Variants in ADGRL4 observed in about 807,000 individuals in gnomAD.
ADGRL4 encodes EGF, latrophilin and seven transmembrane domain containing 1.
Under a neutral mutation model 74.8 loss-of-function variants are expected in ADGRL4, and 90 were observed. The observed-to-expected ratio is 1.20, with a 90% CI of 1.02 to 1.43. The LOEUF is 1.43. Among genes scored for constraint, ADGRL4 ranks in the 40% most tolerant of loss-of-function variants. The probability of loss-of-function intolerance (pLI) is 0.00; values close to 1 mark genes in which losing one functional copy is unlikely to be tolerated. For missense variants in ADGRL4, 881 were observed against 814.3 expected (o/e 1.08, Z -1.00); for synonymous variants, 311 against 279.2 (o/e 1.11, Z -1.14).
intron 2 of ADGRL4, among the ~76,000 whole-genome samples, chr1:78,969,229 G>T (rs545578071): frequency 2.4e-3 from 368 of 152,246 alleles, no homozygotes; most frequent in African/African-American, 8.2e-3. Context: ...ATCATCATTT[G>T]CAACAGTGCA....
At chr1:78,966,087 A>AC (rs1650050270) in intron 2 of ADGRL4, among the ~76,000 whole-genome samples, 1 of 152,246 alleles carries the variant, frequency 6.6e-6, no homozygotes, top group Admixed American at 6.5e-5. Context: ...CAAATAAGCT[A>AC]CAGAGTCATA....
chr1:78,956,719 TA>T (rs1284554612), intron 2 of ADGRL4, among the ~76,000 whole-genome samples: 1 of 152,100 alleles, frequency 6.6e-6, no homozygotes, highest in Non-Finnish European at 1.5e-5. Context: ...TAAAATTACC[TA>T]ATGTTTGAGA....
intron 2 of ADGRL4, among the ~76,000 whole-genome samples, chr1:78,996,457 G>T (rs183683933): frequency 6.6e-6 from 1 of 152,308 alleles, no homozygotes; most frequent in East Asian, 1.9e-4. Context: ...GATATCAATG[G>T]ATATTCCTTA....
intron 12 of ADGRL4, among the ~76,000 whole-genome samples, chr1:78,903,150 C>A (rs1648553499): frequency 6.6e-6 from 1 of 152,092 alleles, no homozygotes; most frequent in African/African-American, 2.4e-5. Context: ...CAGATCTGAG[C>A]CATTCTGAAG....
At chr1:78,934,135 G>T (rs778225852) in intron 7 of ADGRL4, among the ~76,000 whole-genome samples, 1 of 152,050 alleles carries the variant, frequency 6.6e-6, no homozygotes. Context: ...TAAGCAAAAA[G>T]AACAAAGTTG....
intron 2 of ADGRL4, among the ~76,000 whole-genome samples, chr1:78,948,178 T>C (rs1649649139): frequency 6.6e-6 from 1 of 152,120 alleles, no homozygotes; most frequent in Admixed American, 6.6e-5. Context: ...TTTTAATCCC[T>C]AGCATTTGAC....
intron 12 of ADGRL4, among the ~76,000 whole-genome samples, chr1:78,896,594 C>T (rs1378858789): frequency 6.6e-6 from 1 of 152,108 alleles, no homozygotes; most frequent in Admixed American, 6.6e-5. Context: ...TCCACAGACA[C>T]TATCCTGAAA....
At chr1:78,903,636 A>T (rs546182817) in intron 12 of ADGRL4, among the ~76,000 whole-genome samples, 78 of 152,246 alleles carry the variant, frequency 5.1e-4, no homozygotes, top group African/African-American at 1.8e-3. Flanking sequence ...AAGTTTAAAA[A>T]AAAAGTCAGG....
chr1:78,983,249 A>C (rs1650430781), intron 2 of ADGRL4, among the ~76,000 whole-genome samples: 1 of 151,866 alleles, frequency 6.6e-6, no homozygotes, highest in Non-Finnish European at 1.5e-5. Context: ...ACATGCCCAA[A>C]ACATCATCAG....
intron 2 of ADGRL4, among the ~76,000 whole-genome samples, chr1:79,001,164 A>AGGG (rs1650831605): frequency 1.4e-5 from 1 of 72,676 alleles, no homozygotes; most frequent in African/African-American, 5.2e-5. Context: ...AGAAGGAAGG[A>AGGG]AGGAAGGGAG....
chr1:78,909,143 A>C (rs1489806750), intron 12 of ADGRL4, among the ~76,000 whole-genome samples: 1 of 151,990 alleles, frequency 6.6e-6, no homozygotes, highest in Non-Finnish European at 1.5e-5. Flanking sequence ...TGCACCCAAC[A>C]AATATGATGA....
At chr1:78,921,582 T>G in intron 9 of ADGRL4, 31 bp downstream of exon 9, 1 of 1,327,454 alleles carries the variant, frequency 7.5e-7, no homozygotes, top group Non-Finnish European at 9.9e-7. Context: ...AAAAGCAACA[T>G]TTATAAATAT....
intron 10 of ADGRL4, 107 bp downstream of exon 10, chr1:78,920,076 C>A (rs12032838): frequency 6.4e-6 from 5 of 785,444 alleles, no homozygotes; most frequent in Non-Finnish European, 9.7e-6. Flanking sequence ...TTATAGAGAA[C>A]GTCTGCCCCA....
chr1:78,946,355 A>G lies in ADGRL4; in HGVS notation c.244T>C (p.Tyr82His). 11 of 1,613,308 alleles carry G rather than the reference A, an allele frequency of 6.8e-6. No homozygotes were observed. The highest frequency in any genetic ancestry group is 9.3e-6 in the Non-Finnish European group (11 of 1,179,548). ...AAGCCAGGTACACACATACAATAAT[A>G]ACTTCCTTCTGTGTTAGTGCAATTA... ...NANCTNTEGS[Y>H]YCMCVPGFRS... The change falls in exon 3 of 15, where the codon TAT becomes CAT. Residue 82 changes from tyrosine to histidine, a missense_variant. By Grantham distance (83) the Tyr-to-His change is moderately conservative. Coordinates refer to ENST00000370742, the MANE Select transcript of ADGRL4 (RefSeq NM_022159.4).
At chr1:78,900,588 G>A (rs1241806627) in intron 12 of ADGRL4, among the ~76,000 whole-genome samples, 2 of 152,132 alleles carry the variant, frequency 1.3e-5, no homozygotes, top group Admixed American at 6.6e-5. Context: ...GAATCATGGG[G>A]GCAGACTTTC....
chr1:78,893,340 A>G (rs1648328937), intron 12 of ADGRL4, 151 bp from the exon 13 acceptor site: 2 of 594,068 alleles, frequency 3.4e-6, no homozygotes, highest in Non-Finnish European at 5.7e-6. Flanking sequence ...AATTATCAGT[A>G]CAAGTGGTAC....
At chr1:78,993,571 CAT>C (rs753296129) in intron 2 of ADGRL4, among the ~76,000 whole-genome samples, 4,398 of 114,678 alleles carry the variant, frequency 0.038, 80 homozygotes, top group South Asian at 0.064. Flanking sequence ...GCAAAAATTC[CAT>C]TTTTTTTTTT....
chr1:78,929,351 C>CA (rs1649192470), intron 7 of ADGRL4, among the ~76,000 whole-genome samples: 1 of 151,114 alleles, frequency 6.6e-6, no homozygotes, highest in African/African-American at 2.5e-5. Context: ...CACGTCTCTA[C>CA]AAAAAATAGA....
chr1:78,930,754 A>G (rs1226866130), intron 7 of ADGRL4, among the ~76,000 whole-genome samples: 2 of 151,326 alleles, frequency 1.3e-5, no homozygotes, highest in Non-Finnish European at 2.9e-5. Flanking sequence ...TGGTCTGGAA[A>G]AGCTGATTTC....
Sources: gnomAD v4.1 joint callset for allele counts (sites outside exome capture counted in the v4.1 genomes callset) on GRCh38, gnomAD v4.1.1 for gene constraint, MANE v1.5 for transcripts, NCBI Gene and HGNC (gene_info 2026-07-23, HGNC 2026-07-21) for gene names.